GPC6: variants seen among roughly 807,000 people sequenced by gnomAD.
GPC6 encodes glypican-6.
A neutral mutation model predicts 55.2 loss-of-function variants in GPC6; 14 were observed. That is an observed-to-expected ratio of 0.25 (90% CI 0.17 to 0.40). The LOEUF is 0.40. GPC6 is among the 10% of genes least tolerant of loss of function. GPC6 has a pLI of 1.00. For synonymous variants in GPC6, 278 were observed against 259.6 expected (o/e 1.07, Z -0.68); for missense variants, 641 against 708.5 (o/e 0.90, Z 1.08).
At chr13:93,546,617 G>A (rs1288901215) in intron 2 of GPC6, among the ~76,000 whole-genome samples, 4 of 152,148 alleles carry the variant, frequency 2.6e-5, no homozygotes, top group African/African-American at 4.8e-5. Context: ...TTTATTTAGC[G>A]GTGATGCTGT....
chr13:93,726,178 G>T (rs2138829946), intron 2 of GPC6, among the ~76,000 whole-genome samples: 1 of 148,674 alleles, frequency 6.7e-6, no homozygotes, highest in Non-Finnish European at 1.5e-5. Context: ...CACTTATGGA[G>T]GCTATTTATT....
chr13:94,274,090 A>G (rs1194851892), intron 4 of GPC6, among the ~76,000 whole-genome samples: 2 of 152,220 alleles, frequency 1.3e-5, no homozygotes, highest in African/African-American at 4.8e-5. Flanking sequence ...TGAATATATT[A>G]TGTTTTTATG....
chr13:94,079,701 C>T (rs1885040775), intron 4 of GPC6, among the ~76,000 whole-genome samples: 1 of 152,192 alleles, frequency 6.6e-6, no homozygotes, highest in Admixed American at 6.5e-5. Flanking sequence ...GTGAATAACA[C>T]AGGCACTACT....
At chr13:94,347,117 T>C (rs1302079469) in intron 6 of GPC6, among the ~76,000 whole-genome samples, 1 of 152,154 alleles carries the variant, frequency 6.6e-6, no homozygotes, top group Non-Finnish European at 1.5e-5. Flanking sequence ...CTGGGGGTGA[T>C]GTTATATTTG....
chr13:93,902,907 A>G (rs1876437853), intron 3 of GPC6, among the ~76,000 whole-genome samples: 1 of 152,268 alleles, frequency 6.6e-6, no homozygotes, highest in South Asian at 2.1e-4. Flanking sequence ...TATTGAGTTG[A>G]TAACGCAGAC....
chr13:94,108,141 T>G (rs1886121165), intron 4 of GPC6, among the ~76,000 whole-genome samples: 2 of 152,086 alleles, frequency 1.3e-5, no homozygotes, highest in Non-Finnish European at 2.9e-5. Flanking sequence ...CCAGCCCAAA[T>G]TCCCATGAAT....
intron 7 of GPC6, among the ~76,000 whole-genome samples, chr13:94,388,342 T>G (rs1163162564): frequency 6.6e-6 from 1 of 151,956 alleles, no homozygotes; most frequent in Non-Finnish European, 1.5e-5. Flanking sequence ...GAGCTAGGAG[T>G]TCACGTCGTT....
intron 6 of GPC6, among the ~76,000 whole-genome samples, chr13:94,369,812 G>T (rs1535690): frequency 0.29 from 44,170 of 151,672 alleles, 6,935 homozygotes; most frequent in East Asian, 0.6. Context: ...GTTTTTTGGG[G>T]TTTTTTTTCC....
intron 3 of GPC6, among the ~76,000 whole-genome samples, chr13:93,870,188 C>G (rs1566578455): frequency 2.0e-5 from 3 of 151,796 alleles, no homozygotes; most frequent in African/African-American, 7.2e-5. Flanking sequence ...TGACTATAAC[C>G]CAAAGATGAT....
intron 6 of GPC6, among the ~76,000 whole-genome samples, chr13:94,366,024 G>A (rs1879274928): frequency 6.6e-6 from 1 of 152,090 alleles, no homozygotes; most frequent in Non-Finnish European, 1.5e-5. Flanking sequence ...TACTTGTCCT[G>A]GATTTCATTC....
At chr13:93,879,311 C>T (rs1228182892) in intron 3 of GPC6, among the ~76,000 whole-genome samples, 1 of 152,108 alleles carries the variant, frequency 6.6e-6, no homozygotes, top group Non-Finnish European at 1.5e-5. Context: ...TGACTTCAAA[C>T]TATACTACAA....
intron 5 of GPC6, among the ~76,000 whole-genome samples, chr13:94,296,180 G>A (rs1410850258): frequency 3.9e-5 from 6 of 152,152 alleles, no homozygotes; most frequent in South Asian, 2.1e-4. Context: ...CCCATCCAGC[G>A]CGAACTAGTT....
chr13:94,303,939 A>T (rs1875804781), intron 5 of GPC6, among the ~76,000 whole-genome samples: 1 of 152,242 alleles, frequency 6.6e-6, no homozygotes, highest in Non-Finnish European at 1.5e-5. Flanking sequence ...CTCTTTCAGT[A>T]CATGGCTTCA....
chr13:94,350,906 A>G (rs1331326491), intron 6 of GPC6, among the ~76,000 whole-genome samples: 5 of 152,270 alleles, frequency 3.3e-5, no homozygotes, highest in Non-Finnish European at 7.4e-5. Context: ...GGCACAGTAA[A>G]GGAAATTGGC....
intron 2 of GPC6, among the ~76,000 whole-genome samples, chr13:93,824,468 A>G (rs948737529): frequency 6.6e-6 from 1 of 152,232 alleles, no homozygotes; most frequent in African/African-American, 2.4e-5. Flanking sequence ...TGCACTATGA[A>G]GTCATGTCCC....
At chr13:94,295,737 G>T (rs1394044044) in intron 5 of GPC6, among the ~76,000 whole-genome samples, 1 of 151,980 alleles carries the variant, frequency 6.6e-6, no homozygotes, top group Non-Finnish European at 1.5e-5. Context: ...AGAAAAATTG[G>T]CCTGCTTCAT....
intron 1 of GPC6, among the ~76,000 whole-genome samples, chr13:93,310,037 T>C (rs1879011082): frequency 6.6e-6 from 1 of 152,200 alleles, no homozygotes; most frequent in African/African-American, 2.4e-5. Flanking sequence ...CCTAGACTCC[T>C]AGGAAGCCTG....
At chr13:93,522,688 T>C (rs892108051) in intron 1 of GPC6, among the ~76,000 whole-genome samples, 4 of 151,886 alleles carry the variant, frequency 2.6e-5, no homozygotes, top group Non-Finnish European at 4.4e-5. Context: ...ACAGTGGATG[T>C]AGCCAGTGTG....
intron 2 of GPC6, among the ~76,000 whole-genome samples, chr13:93,594,428 T>C (rs1250183439): frequency 6.6e-6 from 1 of 152,144 alleles, no homozygotes; most frequent in South Asian, 2.1e-4. Context: ...TTTATACTTT[T>C]TGATGTATAT....
Sources: allele counts gnomAD v4.1 joint callset (sites outside exome capture counted in the v4.1 genomes callset), GRCh38; gene constraint gnomAD v4.1.1; transcripts MANE v1.5; gene names NCBI Gene and HGNC (gene_info 2026-07-23, HGNC 2026-07-21).